LARP1: variants seen among roughly 807,000 people sequenced by gnomAD.
LARP1 encodes la-related protein 1.
LARP1 carries 36 observed loss-of-function variants against 122.7 expected under a neutral mutation model. That is an observed-to-expected ratio of 0.29 (90% CI 0.22 to 0.39). The LOEUF (loss-of-function observed/expected upper bound fraction) is 0.39, where lower values mean the gene tolerates loss of function less well. LARP1 is among the 10% of genes least tolerant of loss of function. The pLI, the probability that LARP1 is intolerant of heterozygous loss-of-function variation, is 1.00. For missense variants in LARP1, 1,040 were observed against 1,403.6 expected (o/e 0.74, Z 4.14); for synonymous variants, 539 against 528.7 (o/e 1.02, Z -0.27).
intron 1 of LARP1, among the ~76,000 whole-genome samples, chr5:154,769,411 C>G (rs1015573084): frequency 6.6e-6 from 1 of 152,228 alleles, no homozygotes; most frequent in Non-Finnish European, 1.5e-5. Flanking sequence ...GGACAGCAGA[C>G]TGCCTAGCTC....
At chr5:154,716,486 T>C (rs1755516311) in intron 1 of LARP1, among the ~76,000 whole-genome samples, 1 of 152,154 alleles carries the variant, frequency 6.6e-6, no homozygotes, top group Non-Finnish European at 1.5e-5. Context: ...TATCACTCTG[T>C]CACCCAGGCT....
chr5:154,732,761 G>A (rs1412486816), intron 1 of LARP1, among the ~76,000 whole-genome samples: 3 of 151,684 alleles, frequency 2.0e-5, no homozygotes, highest in Non-Finnish European at 4.4e-5. Flanking sequence ...CTCCAGCAAT[G>A]GATGTGATAT....
chr5:154,688,476 C>T (rs1754040644), intron 1 of LARP1, among the ~76,000 whole-genome samples: 2 of 151,558 alleles, frequency 1.3e-5, no homozygotes, highest in South Asian at 4.2e-4. Context: ...ATGGTGAAAC[C>T]CTGTCTCTTT....
intron 16 of LARP1, 38 bp downstream of exon 16, chr5:154,808,641 A>C (rs1758992897): frequency 6.3e-7 from 1 of 1,588,952 alleles, no homozygotes; most frequent in Non-Finnish European, 8.6e-7. Context: ...GCTGGTGCTT[A>C]GGGATGATGT....
intron 1 of LARP1, among the ~76,000 whole-genome samples, chr5:154,780,622 A>G (rs905328135): frequency 1.3e-5 from 2 of 152,212 alleles, no homozygotes; most frequent in African/African-American, 2.4e-5. Context: ...TTCTGTATGT[A>G]CAATGAGATT....
chr5:154,811,659 C>G lies in LARP1; in HGVS notation c.3081+19C>G, dbSNP rs368650651. The G allele has an allele frequency of 4.3e-6, 7 of 1,613,784 alleles. No homozygotes were observed. In the African/African-American group the frequency reaches 8.0e-5, roughly 18 times the overall value. ...AGTAGATGTAAGTGAAACTCTTTCTCTAACTCTGCTTGTCCTGGAAAGAAA... is the reference window on the plus strand; with the variant it reads ...AGTAGATGTAAGTGAAACTCTTTCTGTAACTCTGCTTGTCCTGGAAAGAAA... On this transcript the variant is annotated intron_variant, in intron 18 of 18. Coordinates refer to ENST00000518297, the MANE Select transcript of LARP1 (RefSeq NM_033551.3).
chr5:154,766,265 A>G (rs148450718), intron 1 of LARP1, among the ~76,000 whole-genome samples: 78 of 152,366 alleles, frequency 5.1e-4, no homozygotes, highest in African/African-American at 1.8e-3. Context: ...GGGGAGTAGC[A>G]TGGTCAGATT....
At chr5:154,747,698 C>T (rs562226700) in intron 1 of LARP1, among the ~76,000 whole-genome samples, 3 of 150,996 alleles carry the variant, frequency 2.0e-5, no homozygotes, top group African/African-American at 7.3e-5. Flanking sequence ...GAAAATCCGT[C>T]TCAAAAAAAG....
At chr5:154,723,000 C>T (rs1047800275) in intron 1 of LARP1, among the ~76,000 whole-genome samples, 1 of 152,316 alleles carries the variant, frequency 6.6e-6, no homozygotes, top group East Asian at 1.9e-4. Context: ...GGTTTTAACT[C>T]TTCTCTGCTT....
intron 1 of LARP1, among the ~76,000 whole-genome samples, chr5:154,764,195 A>T (rs56226335): frequency 2.0e-5 from 3 of 151,336 alleles, no homozygotes; most frequent in East Asian, 3.9e-4. Context: ...TGTAATCCCC[A>T]GCTACTCGGG....
intron 1 of LARP1, among the ~76,000 whole-genome samples, chr5:154,706,614 T>C (rs1190972703): frequency 6.6e-6 from 1 of 151,976 alleles, no homozygotes; most frequent in African/African-American, 2.4e-5. Context: ...TGTACTATGC[T>C]TGTTACATGG....
rs989756807 is a variant in LARP1 at position 154,803,808 on chromosome 5, G to A, written c.2439+63G>A. ...CTACTTCATTGCATTCCAGTGCTTT[G>A]CTTCTCTCCCTTGCCTTGTCTGAGC... On this transcript the variant is annotated intron_variant, in intron 13 of 18. Coordinates refer to ENST00000518297, the MANE Select transcript of LARP1 (RefSeq NM_033551.3). This position sits in a 1 kb window ranked among gnomAD's most constrained non-coding sequence, Gnocchi z 4.4. 1 of 1,496,664 alleles carries A rather than the reference G, an allele frequency of 6.7e-7. No individual in the cohort carries two copies. Among genetic ancestry groups the A allele is most frequent in the Non-Finnish European group, 9.3e-7 (1 of 1,077,878 alleles). 92.7% of individuals were successfully genotyped at this position (1,496,664 alleles called of 1,614,324 possible).
rs2113833385 is a variant in LARP1 at position 154,802,146 on chromosome 5, G to A, written c.1856G>A (p.Arg619Gln). 2 of 1,614,100 alleles carry A rather than the reference G, an allele frequency of 1.2e-6. No homozygotes were observed. The highest frequency in any genetic ancestry group is 1.1e-5 in the South Asian group (1 of 91,070). Reference sequence around the variant, plus strand: ...GAGGAGATGGAGCAGATGGATGGGCGGAAGAACACCTTCACTGCCTGGTCT... The same window carrying A: ...GAGGAGATGGAGCAGATGGATGGGCAGAAGAACACCTTCACTGCCTGGTCT... ...FDEEMEQMDG[R>Q]KNTFTAWSDE... Residue 619 changes from arginine to glutamine, a missense_variant, in exon 11 of 19, where the codon CGG (arginine) becomes CAG (glutamine). Around this residue, in one of 8 missense-constraint regions of LARP1, gnomAD observed 362 missense variants for 533.1 expected, o/e 0.68. Coordinates refer to ENST00000518297, the MANE Select transcript of LARP1 (RefSeq NM_033551.3). This position sits in a 1 kb window ranked among gnomAD's most constrained non-coding sequence, Gnocchi z 5.1.
At chr5:154,812,920 C>A (rs1391093579) in intron 18 of LARP1, among the ~76,000 whole-genome samples, 1 of 152,122 alleles carries the variant, frequency 6.6e-6, no homozygotes, top group South Asian at 2.1e-4. Flanking sequence ...TCCACCTGGT[C>A]CCTCCCGCGA....
At chr5:154,687,583 G>T (rs988773656) in intron 1 of LARP1, among the ~76,000 whole-genome samples, 10 of 152,124 alleles carry the variant, frequency 6.6e-5, no homozygotes, top group Non-Finnish European at 1.5e-4. Flanking sequence ...GGGTTTCACC[G>T]TGTTAGCCGG....
chr5:154,787,734 G>A (rs903554347), intron 1 of LARP1, among the ~76,000 whole-genome samples: 1 of 152,140 alleles, frequency 6.6e-6, no homozygotes, highest in Non-Finnish European at 1.5e-5. Context: ...TGGGTTTTCA[G>A]GACAGAGGAA....
At chr5:154,713,633 C>T (rs1386785260) in intron 1 of LARP1, among the ~76,000 whole-genome samples, 1 of 152,110 alleles carries the variant, frequency 6.6e-6, no homozygotes, top group Non-Finnish European at 1.5e-5. Flanking sequence ...ATGGGGTCCC[C>T]AGGTGGGGAA....
At chr5:154,723,090 A>C (rs1290861645) in intron 1 of LARP1, among the ~76,000 whole-genome samples, 1 of 152,224 alleles carries the variant, frequency 6.6e-6, no homozygotes, top group Non-Finnish European at 1.5e-5. Context: ...CCTGAACGAA[A>C]GCCAACATCT....
At chr5:154,799,478 C>G in intron 8 of LARP1, 113 bp from the exon 9 acceptor site, 4 of 1,010,940 alleles carry the variant, frequency 4.0e-6, no homozygotes, top group South Asian at 1.6e-5. Context: ...TCTTATATTA[C>G]TGGTAGCATT....
Sources: gnomAD v4.1 joint callset for allele counts (sites outside exome capture counted in the v4.1 genomes callset) on GRCh38, gnomAD v4.1.1 for gene constraint, gnomAD v4.1.1 regional missense constraint, Gnocchi (gnomAD v3.1) non-coding constraint, MANE v1.5 for transcripts, NCBI Gene and HGNC (gene_info 2026-07-23, HGNC 2026-07-21) for gene names.